Variants in CES5A observed in about 807,000 individuals in gnomAD.
CES5A encodes carboxylesterase 5.
CES5A carries 67 observed loss-of-function variants against 62.9 expected under a neutral mutation model. The observed-to-expected ratio is 1.07, with a 90% CI of 0.88 to 1.31. The LOEUF (loss-of-function observed/expected upper bound fraction) is 1.31. CES5A is among the 50% of genes most tolerant of loss of function. CES5A has a pLI of 0.00. For missense variants in CES5A, 748 were observed against 708.5 expected, an observed-to-expected ratio of 1.06 and a Z score of -0.63; for synonymous variants, 296 against 280.8, an observed-to-expected ratio of 1.05 and a Z score of -0.54.
Position 55,865,987 on chromosome 16 carries a change from C to G in CES5A, c.681G>C (p.Ala227=). Residue 227 remains alanine (A), a synonymous_variant, in exon 5 of 13, where the codon GCG becomes GCC. Transcript: ENST00000290567. ...CAAGACTAGAAACACTTATGGCTCC[C>G]GCGGACTCGCCAAAGATGGTCACAG... ...PSSVTIFGES[A]GAISVSSLIL... The G allele has an allele frequency of 6.2e-7, 1 of 1,614,214 alleles. No individual in the cohort carries two copies. The highest frequency in any genetic ancestry group is 1.6e-4 in the Middle Eastern group (1 of 6,062).
chr16:55,912,787 G>A (rs1311629223), intron 1 of CES5A, among the ~76,000 whole-genome samples: 3 of 152,190 alleles, frequency 2.0e-5, no homozygotes, highest in African/African-American at 7.2e-5. Flanking sequence ...AGAACTGGAA[G>A]AGACACAATC....
intron 1 of CES5A, among the ~76,000 whole-genome samples, chr16:55,918,806 C>T (rs1036375144): frequency 1.3e-5 from 2 of 152,188 alleles, no homozygotes; most frequent in Non-Finnish European, 2.9e-5. Context: ...CTTAGCCTCT[C>T]AATCTCAAGG....
intron 2 of CES5A, among the ~76,000 whole-genome samples, chr16:55,872,185 G>A (rs1467060756): frequency 6.6e-6 from 1 of 152,148 alleles, no homozygotes; most frequent in Non-Finnish European, 1.5e-5. Context: ...ATGCGCAAAG[G>A]AACATTTCCA....
intron 2 of CES5A, among the ~76,000 whole-genome samples, chr16:55,941,602 T>G (rs1329960870): frequency 6.6e-6 from 1 of 152,060 alleles, no homozygotes; most frequent in African/African-American, 2.4e-5. Context: ...TTTTTTTAAA[T>G]ATTGACAAGT....
At chr16:55,892,571 T>G (rs567697896) in intron 1 of CES5A, among the ~76,000 whole-genome samples, 5 of 152,346 alleles carry the variant, frequency 3.3e-5, no homozygotes, top group African/African-American at 1.2e-4. Context: ...AATGCCTAGC[T>G]TAATACAAAA....
At chr16:55,926,730 G>A (rs1427346272), upstream of CES5A, among the ~76,000 whole-genome samples, 1 of 152,154 alleles carries the variant, frequency 6.6e-6, no homozygotes, top group East Asian at 1.9e-4. Flanking sequence ...TAAAGCTGTA[G>A]CTTTCTCTAA....
At chr16:55,935,923 G>A (rs1203380537) in intron 2 of CES5A, among the ~76,000 whole-genome samples, 1 of 152,120 alleles carries the variant, frequency 6.6e-6, no homozygotes, top group African/African-American at 2.4e-5. Context: ...TAATAAACAG[G>A]AAGCAACATA....
chr16:55,868,080 C>A (rs181871027), intron 4 of CES5A, among the ~76,000 whole-genome samples: 38 of 152,314 alleles, frequency 2.5e-4, no homozygotes, highest in Middle Eastern at 6.8e-3. Flanking sequence ...CCATGTATGG[C>A]CTGGCATTCA....
At position 55,937,640 on chromosome 16, in the gene CES5A, C is replaced by T. The variant is rs561270370; in HGVS notation, c.160+12145G>A. ...CATATCATACTCACAACTGGGACGC[C>T]TGCAAAGAGGCACTTCTGGAAATGT... On this transcript the variant is annotated intron_variant, in intron 2 of 13. Coordinates refer to the CES5A transcript ENST00000521992. Among the ~76,000 whole-genome samples the T allele has an allele frequency of 1.4e-4, 22 of 152,342 alleles. No homozygotes were observed. The East Asian group carries it at 4.2e-3, about 29-fold the overall frequency.
chr16:55,941,955 A>G (rs997872118), intron 2 of CES5A, among the ~76,000 whole-genome samples: 3 of 152,168 alleles, frequency 2.0e-5, no homozygotes, highest in Non-Finnish European at 4.4e-5. Context: ...TGAAAAATAA[A>G]CTTCCAAGGC....
Position 55,874,015 on chromosome 16 carries a change from C to T in CES5A, c.96G>A (p.Gln32=). 1 of 1,607,530 alleles carries T rather than the reference C, an allele frequency of 6.2e-7. No homozygotes were observed. The highest frequency in any genetic ancestry group is 8.5e-7 in the Non-Finnish European group (1 of 1,177,552). ...PTKGPSAEGP[Q]RNTRLGWIQG... ...GAATCCATCCCAGCCTGGTGTTCCT[C>T]TGTGGCCCTTCAGCAGAAGGCCCTG... The change falls in exon 2 of 13, where the codon CAG becomes CAA. Residue 32 remains glutamine (Q), a synonymous_variant. Transcript: ENST00000290567.
chr16:55,849,602 T>C, intron 11 of CES5A, 22 bp downstream of exon 11: 2 of 1,612,984 alleles, frequency 1.2e-6, no homozygotes, highest in Non-Finnish European at 1.7e-6. Context: ...ATGTGAACTG[T>C]GGGAAGTGGC....
chr16:55,915,047 T>G (rs375265463), intron 1 of CES5A, among the ~76,000 whole-genome samples: 2 of 151,900 alleles, frequency 1.3e-5, no homozygotes, highest in Non-Finnish European at 2.9e-5. Context: ...AAAGCCTGCA[T>G]TGGGCCTTTC....
At chr16:55,859,834 C>T (rs1597116076) in intron 7 of CES5A, 147 bp from the exon 8 acceptor site, 5 of 666,800 alleles carry the variant, frequency 7.5e-6, no homozygotes, top group African/African-American at 1.8e-5. Context: ...ACACTATGGG[C>T]CCAGCTCAAT....
At chr16:55,909,777 G>T (rs1271515428) in intron 1 of CES5A, among the ~76,000 whole-genome samples, 1 of 152,184 alleles carries the variant, frequency 6.6e-6, no homozygotes, top group African/African-American at 2.4e-5. Flanking sequence ...TAGGAAATCT[G>T]AATTTTGGTT....
chr16:55,907,563 A>G (rs28451741), intron 1 of CES5A, among the ~76,000 whole-genome samples: 152,205 of 152,346 alleles, frequency 1, 76,033 homozygotes, highest in Middle Eastern at 1. Flanking sequence ...AGAAACAGAA[A>G]TGTCTCAAAA....
intron 1 of CES5A, 37 bp from the exon 2 acceptor site, chr16:55,874,074 G>A (rs1418757101): frequency 6.5e-7 from 1 of 1,548,398 alleles, no homozygotes; most frequent in Admixed American, 1.9e-5. Flanking sequence ...GAGCAGGCTG[G>A]GGACAGGCAG....
At chr16:55,904,034 C>G (rs528193567) in intron 1 of CES5A, among the ~76,000 whole-genome samples, 1 of 152,092 alleles carries the variant, frequency 6.6e-6, no homozygotes, top group Non-Finnish European at 1.5e-5. Flanking sequence ...AATAGAAAAC[C>G]GTATACTCAC....
chr16:55,930,602 C>T (rs11859587), intron 2 of CES5A, among the ~76,000 whole-genome samples: 2,619 of 152,280 alleles, frequency 0.017, 85 homozygotes, highest in African/African-American at 0.06. Flanking sequence ...TGCAGCCCCT[C>T]GATTTTGGAC....
Sources: gnomAD v4.1 joint callset for allele counts (sites outside exome capture counted in the v4.1 genomes callset) on GRCh38, gnomAD v4.1.1 for gene constraint, MANE v1.5 for transcripts, NCBI Gene and HGNC (gene_info 2026-07-23, HGNC 2026-07-21) for gene names.